Variants in KIAA1549 observed in about 807,000 individuals in gnomAD.
KIAA1549 encodes the protein KIAA1549.
A neutral mutation model predicts 156.4 loss-of-function variants in KIAA1549; 70 were observed. The observed-to-expected ratio is 0.45, with a 90% CI of 0.37 to 0.55. The LOEUF (loss-of-function observed/expected upper bound fraction) is 0.55, where lower values mean the gene tolerates loss of function less well. Among genes scored for constraint, KIAA1549 ranks in the 20% least tolerant of loss-of-function variants. KIAA1549 has a pLI of 0.00. For synonymous variants in KIAA1549, 1,103 were observed against 1,066.4 expected, an observed-to-expected ratio of 1.03 and a Z score of -0.67; for missense variants, 2,428 against 2,540.9, an observed-to-expected ratio of 0.96 and a Z score of 0.96.
intron 10 of KIAA1549, among the ~76,000 whole-genome samples, chr7:138,883,299 T>A (rs905285442): frequency 2.0e-5 from 3 of 149,870 alleles, no homozygotes; most frequent in Non-Finnish European, 3.0e-5. Flanking sequence ...AGCCATTTGT[T>A]ATTGTTCACA....
At chr7:138,902,800 C>T (rs1811878969) in intron 8 of KIAA1549, among the ~76,000 whole-genome samples, 1 of 151,742 alleles carries the variant, frequency 6.6e-6, no homozygotes, top group African/African-American at 2.4e-5. Flanking sequence ...CAGAGCGAGA[C>T]TCTGTCTCAA....
intron 1 of KIAA1549, among the ~76,000 whole-genome samples, chr7:138,963,120 T>C (rs1584787926): frequency 6.6e-6 from 1 of 152,254 alleles, no homozygotes; most frequent in African/African-American, 2.4e-5. Flanking sequence ...TCCATCAATG[T>C]TGGCTGAGTC....
In KIAA1549 at chr7:138,842,702, A is replaced by AC. The variant is rs1174723305; in HGVS notation, c.5452+1614_5452+1615insG. On this transcript the variant is annotated intron_variant, in intron 18 of 19. Transcript: ENST00000422774. ...AACAAAAACTCTGTCTCAAAAAAAA[A>AC]AAAAAATCTACCTCAGAGGGTTATT... is the stretch of plus-strand genomic sequence containing the variant. Among the ~76,000 whole-genome samples the AC allele has an allele frequency of 3.3e-5, 5 of 151,874 alleles. No individual in the cohort carries two copies. The South Asian group carries it at 1.0e-3, about 32-fold the overall frequency.
At chr7:138,883,795 T>G (rs527361479) in intron 10 of KIAA1549, among the ~76,000 whole-genome samples, 1 of 152,334 alleles carries the variant, frequency 6.6e-6, no homozygotes, top group East Asian at 1.9e-4. Context: ...AACCGAAGCC[T>G]TCCCTCCTGC....
rs1813994866 is a variant in KIAA1549 at position 138,965,570 on chromosome 7, T to A, written c.187+15513A>T. Among the ~76,000 whole-genome samples the A allele has an allele frequency of 1.3e-5, 2 of 152,176 alleles. 1 individual carries two copies. The highest frequency in any genetic ancestry group is 4.1e-4 in the South Asian group (2 of 4,830). ...AACCAGATAAATGAAGTGTGGAACA[T>A]CCACAGCGTCGAATAAAATCATGGT... is the stretch of plus-strand genomic sequence containing the variant. On this transcript the variant is annotated intron_variant, in intron 1 of 19. Coordinates refer to ENST00000422774, the MANE Select transcript of KIAA1549 (RefSeq NM_001164665.2).
chr7:138,888,634 T>C (rs1049222450), intron 10 of KIAA1549, among the ~76,000 whole-genome samples: 1 of 152,248 alleles, frequency 6.6e-6, no homozygotes, highest in African/African-American at 2.4e-5. Context: ...AAGATTCAAC[T>C]GCTCTCTTGA....
At chr7:138,939,107 A>G (rs897588146) in intron 1 of KIAA1549, among the ~76,000 whole-genome samples, 1 of 152,246 alleles carries the variant, frequency 6.6e-6, no homozygotes, top group African/African-American at 2.4e-5. Context: ...CTTCAATCCC[A>G]TAAACTTTTT....
chr7:138,871,060 G>C, intron 13 of KIAA1549, 97 bp downstream of exon 13: 1 of 1,146,390 alleles, frequency 8.7e-7, no homozygotes, highest in Non-Finnish European at 1.2e-6. Flanking sequence ...CAGGCGATCT[G>C]CCTGCCTTGG....
At chr7:138,866,838 T>C (rs558301979) in intron 15 of KIAA1549, among the ~76,000 whole-genome samples, 3 of 152,346 alleles carry the variant, frequency 2.0e-5, no homozygotes, top group East Asian at 3.9e-4. Context: ...GGTTTTGCTC[T>C]GTCACCCAGG....
chr7:138,965,459 G>A (rs1563096529), intron 1 of KIAA1549, among the ~76,000 whole-genome samples: 1 of 152,202 alleles, frequency 6.6e-6, no homozygotes, highest in Non-Finnish European at 1.5e-5. Context: ...CCACAGCGCT[G>A]AGATTACAGG....
chr7:138,844,317 C>T lies in KIAA1549; in HGVS notation c.5452G>A (p.Gly1818Ser), dbSNP rs1286259077. The T allele has an allele frequency of 6.2e-7, 1 of 1,613,956 alleles. No individual in the cohort carries two copies. The highest frequency in any genetic ancestry group is 8.5e-7 in the Non-Finnish European group (1 of 1,179,896). Residue 1818 changes from glycine to serine, a missense_variant and splice_region_variant, in exon 18 of 20, where the codon GGC becomes AGC. This residue lies in a region of KIAA1549 where 363 missense variants were observed against 354.0 expected (regional missense o/e 1.03). Coordinates refer to ENST00000422774, the MANE Select transcript of KIAA1549 (RefSeq NM_001164665.2). ...ATGGAAGCTAAACAGCCACATATAC[C>T]TGTGGTACCCCCGACAGGCCGAGGC... is the stretch of plus-strand genomic sequence containing the variant. ...ARPRPVGGTT[G>S]SQIQHLTQVG... is the part of the protein sequence containing the mutation.
rs55745123 is a variant in KIAA1549, at chr7:138,903,792, AGTGTGTGTGTGTGTGTGT to A, written c.3521-74_3521-57del. 10,242 of 1,196,258 alleles carry A rather than the reference AGTGTGTGTGTGTGTGTGT, an allele frequency of 8.6e-3. 200 individuals carry two copies. The highest frequency in any genetic ancestry group is 0.037 in the African/African-American group (2,330 of 63,582). The allele number at this position is 1,196,258 out of a possible 1,614,324, so 74.1% of individuals were successfully genotyped here. A position where few individuals can be genotyped will look rare whatever the true frequency, so the allele number is the denominator to read the frequency against. On this transcript the variant is annotated intron_variant, in intron 7 of 19. Transcript: ENST00000422774. ...CAAAACAAGTCAGCAGTAAAAAAAC[AGTGTGTGTGTGTGTGTGT>A]GTGTGTGTGTGTGTGTGTGTGTGTG...
intron 8 of KIAA1549, 126 bp downstream of exon 8, chr7:138,903,462 T>A: frequency 4.1e-6 from 4 of 980,672 alleles, no homozygotes; most frequent in Non-Finnish European, 5.9e-6. Flanking sequence ...TCAGTGGAAA[T>A]CAGAAATTTC....
chr7:138,844,224 T>TCTGCCA, intron 18 of KIAA1549, 93 bp downstream of exon 18: 1 of 1,425,272 alleles, frequency 7.0e-7, no homozygotes, highest in Non-Finnish European at 9.7e-7. Context: ...GGCAGAGGCC[T>TCTGCCA]CTGCACACTG....
intron 1 of KIAA1549, among the ~76,000 whole-genome samples, chr7:138,948,753 C>T (rs1170935354): frequency 5.3e-5 from 8 of 149,812 alleles, no homozygotes; most frequent in African/African-American, 7.4e-5. Flanking sequence ...AGTGCAATGG[C>T]GTGATCTCGG....
chr7:138,914,317 A>G (rs911607520), intron 2 of KIAA1549, among the ~76,000 whole-genome samples: 2 of 152,220 alleles, frequency 1.3e-5, no homozygotes, highest in South Asian at 2.1e-4. Flanking sequence ...CAGCAAACAA[A>G]TATCTTACAG....
At chr7:138,976,321 A>C (rs568072831) in intron 1 of KIAA1549, among the ~76,000 whole-genome samples, 1 of 152,232 alleles carries the variant, frequency 6.6e-6, no homozygotes, top group African/African-American at 2.4e-5. Context: ...AGGTGATCCC[A>C]AAGTGTTGGG....
chr7:138,897,020 A>G (rs925385443), intron 9 of KIAA1549, among the ~76,000 whole-genome samples: 3 of 152,072 alleles, frequency 2.0e-5, no homozygotes, highest in East Asian at 1.9e-4. Context: ...GCTTCCTTCA[A>G]TCGCCATCCC....
chr7:138,885,455 C>A (rs1811363658), intron 10 of KIAA1549, among the ~76,000 whole-genome samples: 1 of 152,192 alleles, frequency 6.6e-6, no homozygotes, highest in Non-Finnish European at 1.5e-5. Flanking sequence ...AGCCCCTTCT[C>A]TGCTGTGCTG....
Sources: gnomAD v4.1 joint callset for allele counts (sites outside exome capture counted in the v4.1 genomes callset) on GRCh38, gnomAD v4.1.1 for gene constraint, gnomAD v4.1.1 regional missense constraint, MANE v1.5 for transcripts, NCBI Gene and HGNC (gene_info 2026-07-23, HGNC 2026-07-21) for gene names.